The following SPOCK3 variants were observed in gnomAD, a reference collection of about 807,000 sequenced individuals.
SPOCK3 encodes SPARC (osteonectin), cwcv and kazal like domains proteoglycan 3, also known as testican-3.
A neutral mutation model predicts 56.6 loss-of-function variants in SPOCK3; 30 were observed. That is an observed-to-expected ratio of 0.53 (90% CI 0.40 to 0.72). The LOEUF is 0.72. Ranked by LOEUF, SPOCK3 falls within the 30% of genes least tolerant of loss-of-function variation. SPOCK3 has a pLI of 0.00. For missense variants in SPOCK3, 527 were observed against 530.0 expected, an observed-to-expected ratio of 0.99 and a Z score of 0.06; for synonymous variants, 196 against 183.3, an observed-to-expected ratio of 1.07 and a Z score of -0.56.
At position 166,907,679 on chromosome 4, in the gene SPOCK3, T is replaced by G. The variant is rs532366553; in HGVS notation, c.474+4941A>C. On this transcript the variant is annotated intron_variant, in intron 5 of 10. Coordinates refer to ENST00000357545, the MANE Select transcript of SPOCK3 (RefSeq NM_001040159.2). ...TAGAACACTCCTCAAATATAGAGGT[T>G]TACCTCGCAGAATATGATTTCATAC... 1.3e-4 allele frequency among the ~76,000 whole-genome samples: 20 copies of G among 152,188 alleles called. No homozygotes were observed. The South Asian group carries it at 4.1e-3, about 32-fold the overall frequency.
At chr4:166,843,463 TAGTG>T (rs1396630013) in intron 6 of SPOCK3, among the ~76,000 whole-genome samples, 2 of 152,226 alleles carry the variant, frequency 1.3e-5, no homozygotes, top group Non-Finnish European at 2.9e-5. Flanking sequence ...CCTCACCTAA[TAGTG>T]AGTCATTTAA....
At position 167,192,576 on chromosome 4, in the gene SPOCK3, T is replaced by C. The variant is rs928149542; in HGVS notation, c.189+41409A>G. ...AAGAAAAACGCTCTTACCTTTACCATTATTTTCTGTTGCCTCCCTAGTTTG... is the reference window on the plus strand; with the variant it reads ...AAGAAAAACGCTCTTACCTTTACCACTATTTTCTGTTGCCTCCCTAGTTTG... On this transcript the variant is annotated intron_variant, in intron 2 of 10. Transcript: ENST00000357545. 6.8e-5 allele frequency among the ~76,000 whole-genome samples: 10 copies of C among 145,990 alleles called. 2 individuals carry two copies. The highest frequency in any genetic ancestry group is 2.1e-4 in the African/African-American group (8 of 38,296).
chr4:167,121,335 T>C (rs28369587), intron 2 of SPOCK3, among the ~76,000 whole-genome samples: 2,720 of 152,032 alleles, frequency 0.018, 76 homozygotes, highest in African/African-American at 0.062. Flanking sequence ...CTCATAAAAA[T>C]TTCTCTTAGC....
chr4:167,062,635 T>C (rs1274647141), intron 2 of SPOCK3, 98 bp from the exon 3 acceptor site: 1 of 820,222 alleles, frequency 1.2e-6, no homozygotes, highest in Non-Finnish European at 2.0e-6. Flanking sequence ...AGAAGCTGTA[T>C]ACAAACCTCT....
chr4:166,787,189 A>G (rs184378019), intron 7 of SPOCK3, among the ~76,000 whole-genome samples: 1 of 152,218 alleles, frequency 6.6e-6, no homozygotes. Flanking sequence ...CATTTTAATG[A>G]ACATTACGTT....
intron 7 of SPOCK3, among the ~76,000 whole-genome samples, chr4:166,779,529 G>A (rs1459739206): frequency 6.6e-6 from 1 of 151,214 alleles, no homozygotes; most frequent in East Asian, 1.9e-4. Flanking sequence ...AATTCACAAA[G>A]GAAAAGGTAA....
intron 6 of SPOCK3, among the ~76,000 whole-genome samples, chr4:166,810,316 C>T (rs1162893551): frequency 1.3e-5 from 2 of 152,008 alleles, no homozygotes; most frequent in Non-Finnish European, 2.9e-5. Flanking sequence ...ATATCACTAA[C>T]ATTAGTTTTA....
At chr4:166,977,543 G>A (rs1167104554) in intron 4 of SPOCK3, among the ~76,000 whole-genome samples, 1 of 151,880 alleles carries the variant, frequency 6.6e-6, no homozygotes, top group South Asian at 2.1e-4. Flanking sequence ...TTGAATTGCA[G>A]AAATTCCAGA....
intron 4 of SPOCK3, among the ~76,000 whole-genome samples, chr4:166,991,947 CATG>C (rs532756440): frequency 1.1e-3 from 162 of 152,150 alleles, no homozygotes; most frequent in Non-Finnish European, 2.1e-3. Context: ...TTGTACAAAG[CATG>C]ATAATAAGAA....
At chr4:167,220,506 T>C (rs1735806076) in intron 2 of SPOCK3, among the ~76,000 whole-genome samples, 1 of 151,006 alleles carries the variant, frequency 6.6e-6, no homozygotes. Context: ...GCCTCTTGAA[T>C]AGCTGGGACA....
intron 5 of SPOCK3, among the ~76,000 whole-genome samples, chr4:166,893,691 G>C (rs953292017): frequency 6.6e-6 from 1 of 152,098 alleles, no homozygotes; most frequent in Non-Finnish European, 1.5e-5. Context: ...TCTTATGGTA[G>C]CAATACAAAT....
intron 8 of SPOCK3, among the ~76,000 whole-genome samples, chr4:166,751,600 G>A (rs1736382245): frequency 6.6e-6 from 1 of 152,044 alleles, no homozygotes; most frequent in Non-Finnish European, 1.5e-5. Flanking sequence ...GCCATAAAAT[G>A]GGAATATTTA....
chr4:166,760,879 A>C (rs375511369), intron 7 of SPOCK3, among the ~76,000 whole-genome samples: 1 of 43,320 alleles, frequency 2.3e-5, no homozygotes, highest in African/African-American at 1.1e-4. Flanking sequence ...GCAACAAAAG[A>C]CAAAATTGAC....
At chr4:166,991,948 A>C (rs1043227179) in intron 4 of SPOCK3, among the ~76,000 whole-genome samples, 1 of 151,900 alleles carries the variant, frequency 6.6e-6, no homozygotes, top group Non-Finnish European at 1.5e-5. Flanking sequence ...TGTACAAAGC[A>C]TGATAATAAG....
At chr4:167,158,779 TA>T (rs1765033310) in intron 2 of SPOCK3, among the ~76,000 whole-genome samples, 1 of 152,046 alleles carries the variant, frequency 6.6e-6, no homozygotes, top group African/African-American at 2.4e-5. Flanking sequence ...CCTGAACTTA[TA>T]ATTGAAATCT....
rs574389774 is a variant in SPOCK3, at chr4:167,055,866, G to T, written c.235+6626C>A. ...GCCTGCCTCTGTAGGCTCCACCTCT[G>T]GGGGCAGGGCACAGACAAACAAAAA... On this transcript the variant is annotated intron_variant, in intron 3 of 10. Transcript: ENST00000357545. Among the ~76,000 whole-genome samples the T allele has an allele frequency of 7.2e-3, 1,101 of 152,302 alleles. 11 individuals are homozygous for T. Among genetic ancestry groups the T allele is most frequent in the African/African-American group, 0.024 (984 of 41,568 alleles).
At chr4:166,782,652 A>G (rs1740300026) in intron 7 of SPOCK3, among the ~76,000 whole-genome samples, 1 of 152,172 alleles carries the variant, frequency 6.6e-6, no homozygotes, top group African/African-American at 2.4e-5. Context: ...AGAAAGAAAT[A>G]TGAAAAAATA....
intron 5 of SPOCK3, among the ~76,000 whole-genome samples, chr4:166,895,863 A>C (rs549698032): frequency 6.6e-6 from 1 of 152,296 alleles, no homozygotes; most frequent in East Asian, 1.9e-4. Flanking sequence ...ATACAAACAC[A>C]TAAAACATAG....
At chr4:167,123,048 G>A (rs1001623750) in intron 2 of SPOCK3, among the ~76,000 whole-genome samples, 1 of 151,710 alleles carries the variant, frequency 6.6e-6, no homozygotes, top group Admixed American at 6.6e-5. Flanking sequence ...CTAGTGTTGT[G>A]AAAGGGGAAA....
Sources: allele counts gnomAD v4.1 joint callset (sites outside exome capture counted in the v4.1 genomes callset), GRCh38; gene constraint gnomAD v4.1.1; transcripts MANE v1.5; gene names NCBI Gene and HGNC (gene_info 2026-07-23, HGNC 2026-07-21).